Variants in ITGBL1 observed in about 807,000 individuals in gnomAD.
The protein encoded by ITGBL1 is integrin beta-like protein 1.
Under a neutral mutation model 68.5 loss-of-function variants are expected in ITGBL1, and 51 were observed. That is an observed-to-expected ratio of 0.74 (90% CI 0.59 to 0.94). The LOEUF (loss-of-function observed/expected upper bound fraction) is 0.94, where lower values mean the gene tolerates loss of function less well. Ranked by LOEUF, ITGBL1 falls within the 40% of genes least tolerant of loss-of-function variation. The pLI, the probability that ITGBL1 is intolerant of heterozygous loss-of-function variation, is 0.00. For synonymous variants in ITGBL1, 209 were observed against 227.3 expected, an observed-to-expected ratio of 0.92 and a Z score of 0.72; for missense variants, 649 against 647.4, an observed-to-expected ratio of 1.00 and a Z score of -0.03.
chr13:101,614,775 A>C (rs557023626), intron 7 of ITGBL1, among the ~76,000 whole-genome samples: 15 of 152,284 alleles, frequency 9.9e-5, no homozygotes, highest in Admixed American at 5.9e-4. Context: ...GAGGCTCCTC[A>C]GGACCAATGC....
chr13:101,470,360 C>T (rs913420135), intron 2 of ITGBL1, among the ~76,000 whole-genome samples: 5 of 150,932 alleles, frequency 3.3e-5, no homozygotes, highest in Admixed American at 6.6e-5. Flanking sequence ...GATGGAGTCT[C>T]GCTCTGTCAC....
At chr13:101,539,837 G>C (rs2049656966) in intron 2 of ITGBL1, among the ~76,000 whole-genome samples, 1 of 152,026 alleles carries the variant, frequency 6.6e-6, no homozygotes, top group Non-Finnish European at 1.5e-5. Flanking sequence ...TCTTTTGGCT[G>C]CATAAATGTC....
At chr13:101,533,963 A>G (rs2049526523) in intron 2 of ITGBL1, among the ~76,000 whole-genome samples, 1 of 152,198 alleles carries the variant, frequency 6.6e-6, no homozygotes. Flanking sequence ...TTTCCAAGTT[A>G]AAAAATAAGC....
intron 2 of ITGBL1, among the ~76,000 whole-genome samples, chr13:101,499,891 T>G (rs2048913889): frequency 6.6e-6 from 1 of 152,224 alleles, no homozygotes. Flanking sequence ...CATTCCTGCC[T>G]TCTGCTGCGT....
intron 7 of ITGBL1, among the ~76,000 whole-genome samples, chr13:101,605,250 A>G (rs541015407): frequency 6.8e-6 from 1 of 147,316 alleles, no homozygotes; most frequent in African/African-American, 2.5e-5. Context: ...ATATGCGTAT[A>G]TATACACATA....
chr13:101,553,455 A>T (rs1271768114), intron 2 of ITGBL1, among the ~76,000 whole-genome samples: 1 of 152,152 alleles, frequency 6.6e-6, no homozygotes, highest in Non-Finnish European at 1.5e-5. Context: ...GAAACGCAAA[A>T]TGATATACCT....
chr13:101,705,050 T>A (rs1385829850), intron 8 of ITGBL1, among the ~76,000 whole-genome samples: 1 of 152,144 alleles, frequency 6.6e-6, no homozygotes, highest in African/African-American at 2.4e-5. Context: ...TTCTTGCAGA[T>A]TTAGTAGTCC....
chr13:101,591,903 T>C (rs2050662100), intron 6 of ITGBL1, among the ~76,000 whole-genome samples: 1 of 152,214 alleles, frequency 6.6e-6, no homozygotes, highest in East Asian at 1.9e-4. Context: ...TGTGCTTTCC[T>C]CTACTTGCTT....
intron 2 of ITGBL1, among the ~76,000 whole-genome samples, chr13:101,526,419 A>G (rs1323387210): frequency 1.3e-5 from 2 of 152,014 alleles, no homozygotes; most frequent in Non-Finnish European, 2.9e-5. Flanking sequence ...AATAGCAAAG[A>G]CTTGGAGTCA....
intron 6 of ITGBL1, among the ~76,000 whole-genome samples, chr13:101,590,826 C>A (rs1035984346): frequency 5.3e-5 from 8 of 152,054 alleles, no homozygotes; most frequent in African/African-American, 1.9e-4. Context: ...TTTATATAGG[C>A]ATTTCCAATG....
intron 7 of ITGBL1, among the ~76,000 whole-genome samples, chr13:101,644,104 G>C (rs567893966): frequency 2.0e-5 from 3 of 152,166 alleles, no homozygotes; most frequent in Non-Finnish European, 4.4e-5. Context: ...AAGGATGCAT[G>C]CTTGGCCCTC....
chr13:101,697,620 G>T (rs1267943210), intron 8 of ITGBL1, among the ~76,000 whole-genome samples: 2 of 152,144 alleles, frequency 1.3e-5, no homozygotes, highest in Non-Finnish European at 2.9e-5. Context: ...CCTGCTTATT[G>T]TAGTAACTTG....
At chr13:101,670,418 T>G (rs1020670012) in intron 7 of ITGBL1, among the ~76,000 whole-genome samples, 4 of 152,204 alleles carry the variant, frequency 2.6e-5, no homozygotes, top group African/African-American at 9.6e-5. Flanking sequence ...AACAAAAATT[T>G]TGTGTTTTAT....
intron 7 of ITGBL1, among the ~76,000 whole-genome samples, chr13:101,640,674 A>G (rs79441531): frequency 0.11 from 16,137 of 152,130 alleles, 1,155 homozygotes; most frequent in African/African-American, 0.2. Flanking sequence ...GGTTTGTTAC[A>G]TGGGTACACT....
chr13:101,517,310 C>A (rs2049210867), intron 2 of ITGBL1, among the ~76,000 whole-genome samples: 2 of 152,114 alleles, frequency 1.3e-5, no homozygotes, highest in African/African-American at 4.8e-5. Flanking sequence ...ACCTTCCTAT[C>A]TGAAGCTATT....
At chr13:101,496,339 T>C (rs2048857962) in intron 2 of ITGBL1, among the ~76,000 whole-genome samples, 1 of 152,144 alleles carries the variant, frequency 6.6e-6, no homozygotes, top group Admixed American at 6.5e-5. Flanking sequence ...CTGTAAGTCA[T>C]TTAAATTCTT....
chr13:101,460,531 C>T (rs2048304179), intron 2 of ITGBL1, among the ~76,000 whole-genome samples: 1 of 152,244 alleles, frequency 6.6e-6, no homozygotes, highest in Non-Finnish European at 1.5e-5. Flanking sequence ...AAGTGCCAAA[C>T]ATGCACAGCA....
chr13:101,565,788 A>G (rs933106379), intron 2 of ITGBL1, among the ~76,000 whole-genome samples: 4 of 123,582 alleles, frequency 3.2e-5, no homozygotes, highest in Admixed American at 2.3e-4. Context: ...TTCTGTGAAG[A>G]GAGTTTCATG....
chr13:101,659,039 A>AT (rs55935871), intron 7 of ITGBL1, among the ~76,000 whole-genome samples: 11,647 of 103,834 alleles, frequency 0.11, 1,785 homozygotes, highest in African/African-American at 0.32. Context: ...TGGTGATTGA[A>AT]TTTTTTTTTT....
Sources: gnomAD v4.1 joint callset for allele counts (sites outside exome capture counted in the v4.1 genomes callset) on GRCh38, gnomAD v4.1.1 for gene constraint, MANE v1.5 for transcripts, NCBI Gene and HGNC (gene_info 2026-07-23, HGNC 2026-07-21) for gene names.